MGAT4C: variants seen among roughly 807,000 people sequenced by gnomAD.
MGAT4C encodes MGAT4 family member C, also known as alpha-1,3-mannosyl-glycoprotein 4-beta-N-acetylglucosaminyltransferase C.
Under a neutral mutation model 40.1 loss-of-function variants are expected in MGAT4C, and 19 were observed. That is an observed-to-expected ratio of 0.47 (90% CI 0.33 to 0.70). MGAT4C has a LOEUF of 0.70. MGAT4C is among the 30% of genes least tolerant of loss of function. MGAT4C has a pLI of 0.02. For synonymous variants in MGAT4C, 181 were observed against 187.1 expected (o/e 0.97, Z 0.27); for missense variants, 491 against 563.2 (o/e 0.87, Z 1.30).
intron 2 of MGAT4C, among the ~76,000 whole-genome samples, chr12:86,603,140 A>C (rs1961846973): frequency 6.7e-6 from 1 of 150,278 alleles, no homozygotes; most frequent in African/African-American, 2.4e-5. Flanking sequence ...AAAAGCGTAC[A>C]AAGTTTTAAT....
intron 2 of MGAT4C, among the ~76,000 whole-genome samples, chr12:86,524,189 G>T (rs991942894): frequency 5.9e-5 from 9 of 152,128 alleles, no homozygotes; most frequent in African/African-American, 2.2e-4. Flanking sequence ...CGTGTCACAC[G>T]TCTATGTACT....
intron 2 of MGAT4C, among the ~76,000 whole-genome samples, chr12:86,002,867 C>G (rs1169966664): frequency 6.6e-6 from 1 of 152,140 alleles, no homozygotes; most frequent in East Asian, 1.9e-4. Context: ...GTGGTGCAAT[C>G]ACAGCTCACT....
At chr12:86,667,669 T>A (rs1964149107) in intron 2 of MGAT4C, among the ~76,000 whole-genome samples, 1 of 152,252 alleles carries the variant, frequency 6.6e-6, no homozygotes, top group Non-Finnish European at 1.5e-5. Context: ...TGAGTATGGC[T>A]ATATTCCAAT....
intron 2 of MGAT4C, among the ~76,000 whole-genome samples, chr12:85,995,442 T>C (rs1056362432): frequency 6.6e-6 from 1 of 152,018 alleles, no homozygotes; most frequent in Non-Finnish European, 1.5e-5. Flanking sequence ...GAAAGAACCA[T>C]AAAAAAGTAG....
At chr12:86,260,602 C>T (rs1436064855), upstream of MGAT4C, among the ~76,000 whole-genome samples, 2 of 152,054 alleles carry the variant, frequency 1.3e-5, no homozygotes, top group African/African-American at 4.8e-5. Context: ...TTATTATCTG[C>T]ACTTACTTTC....
intron 2 of MGAT4C, among the ~76,000 whole-genome samples, chr12:86,441,808 C>T (rs986579691): frequency 2.6e-5 from 4 of 152,048 alleles, no homozygotes; most frequent in African/African-American, 7.2e-5. Context: ...AATAAACATA[C>T]ATGTGCATGT....
At chr12:86,709,128 T>C (rs1252154565) in intron 2 of MGAT4C, among the ~76,000 whole-genome samples, 5 of 152,152 alleles carry the variant, frequency 3.3e-5, no homozygotes, top group Admixed American at 6.6e-5. Flanking sequence ...AATTGAATCA[T>C]GGGGACAGGT....
intron 2 of MGAT4C, among the ~76,000 whole-genome samples, chr12:86,446,897 T>C (rs1050481508): frequency 6.6e-6 from 1 of 151,676 alleles, no homozygotes; most frequent in African/African-American, 2.4e-5. Flanking sequence ...AAAATTGATA[T>C]TCTAAATGCT....
intron 4 of MGAT4C, among the ~76,000 whole-genome samples, chr12:86,323,182 G>A (rs1486659327): frequency 6.7e-6 from 1 of 150,020 alleles, no homozygotes; most frequent in Non-Finnish European, 1.5e-5. Context: ...ATATACTCCT[G>A]CTGGAAAAAC....
chr12:86,379,449 T>C (rs930429483), intron 3 of MGAT4C, among the ~76,000 whole-genome samples: 1 of 152,104 alleles, frequency 6.6e-6, no homozygotes, highest in African/African-American at 2.4e-5. Context: ...TCTCTGAAAA[T>C]AGCATCATGC....
chr12:86,379,708 CAATT>C (rs1243380718), intron 3 of MGAT4C, among the ~76,000 whole-genome samples: 1 of 152,024 alleles, frequency 6.6e-6, no homozygotes, highest in African/African-American at 2.4e-5. Context: ...ATATAGATAA[CAATT>C]AATTAAAATT....
chr12:86,834,944 C>T (rs965037826), intron 1 of MGAT4C, among the ~76,000 whole-genome samples: 8 of 151,836 alleles, frequency 5.3e-5, no homozygotes, highest in African/African-American at 7.3e-5. Context: ...CTGTAAAGCA[C>T]CTTCAAAACA....
intron 1 of MGAT4C, among the ~76,000 whole-genome samples, chr12:86,769,531 T>G (rs192594664): frequency 1.3e-5 from 2 of 152,136 alleles, no homozygotes; most frequent in Admixed American, 1.3e-4. Flanking sequence ...ACCCAAAGGA[T>G]TATAAATCAT....
At chr12:86,445,664 A>C (rs1206337862) in intron 2 of MGAT4C, among the ~76,000 whole-genome samples, 1 of 152,188 alleles carries the variant, frequency 6.6e-6, no homozygotes, top group Non-Finnish European at 1.5e-5. Context: ...AAAACTGATG[A>C]ATATCTTTTA....
Position 85,991,464 on chromosome 12 carries a change from CCCCCTT to C in MGAT4C, c.-6-1918_-6-1913del, listed in dbSNP as rs370584812. On this transcript the variant is annotated intron_variant, in intron 2 of 4. Coordinates refer to ENST00000611864, the MANE Select transcript of MGAT4C (RefSeq NM_001351288.2). ...AAGGTGGGGCTTCACTGGGGACCCA[CCCCCTT>C]CCCCCCAGAAGTCTGTCTGCCTCCC... Among the ~76,000 whole-genome samples the C allele has an allele frequency of 4.2e-3, 639 of 152,230 alleles. 4 individuals are homozygous for C. Among genetic ancestry groups the C allele is most frequent in the African/African-American group, 0.015 (615 of 41,556 alleles).
At chr12:86,599,738 T>C (rs1280556644) in intron 2 of MGAT4C, 1 of 152,210 alleles carries the variant, frequency 6.6e-6, no homozygotes, top group African/African-American at 2.4e-5. Context: ...TTATATCGCA[T>C]AACTTTGTGA....
At chr12:86,332,668 G>A (rs1376509453) in intron 4 of MGAT4C, among the ~76,000 whole-genome samples, 1 of 151,892 alleles carries the variant, frequency 6.6e-6, no homozygotes, top group Non-Finnish European at 1.5e-5. Context: ...GTGTGTGTGA[G>A]ACTTGCTTCA....
chr12:86,176,577 A>T (rs1015380390), intron 1 of MGAT4C, among the ~76,000 whole-genome samples: 2 of 152,074 alleles, frequency 1.3e-5, no homozygotes, highest in Non-Finnish European at 2.9e-5. Context: ...ATAAAGTAAA[A>T]TATGTACATG....
intron 1 of MGAT4C, among the ~76,000 whole-genome samples, chr12:86,138,611 A>G (rs1030101645): frequency 2.1e-5 from 3 of 144,888 alleles, no homozygotes; most frequent in African/African-American, 7.6e-5. Flanking sequence ...ATTTCCATAG[A>G]TATATCATAT....
Sources: allele counts gnomAD v4.1 joint callset (sites outside exome capture counted in the v4.1 genomes callset), GRCh38; gene constraint gnomAD v4.1.1; transcripts MANE v1.5; gene names NCBI Gene and HGNC (gene_info 2026-07-23, HGNC 2026-07-21).